Variants in SYT14 observed in about 807,000 individuals in gnomAD.
The protein encoded by SYT14 is synaptotagmin 14.
In SYT14, 32 loss-of-function variants were observed where a neutral mutation model predicts 74.2. The observed-to-expected ratio is 0.43, with a 90% CI of 0.33 to 0.58. The LOEUF is 0.58. Among genes scored for constraint, SYT14 ranks in the 20% least tolerant of loss-of-function variants. The pLI is 0.05. For synonymous variants in SYT14, 298 were observed against 337.7 expected (o/e 0.88, Z 1.29); for missense variants, 791 against 981.8 (o/e 0.81, Z 2.60).
exon 4 of SYT14, chr1:210,015,700 C>T (rs193204656): frequency 4.5e-6 from 1 of 222,568 alleles, no homozygotes; most frequent in East Asian, 1.2e-4. Context: ...AATAAAAAAC[C>T]AATAGTATTT....
chr1:210,149,310 G>A lies in SYT14; in HGVS notation c.2035-6411G>A, dbSNP rs559942249. On this transcript the variant is annotated intron_variant, in intron 7 of 9. Coordinates refer to ENST00000637265, the Ensembl canonical transcript of SYT14. ...AGCAATTTTCATGCCTCTGCCTCCC[G>A]AGTAGCTGGGATTACAGGCGCCTGC... is the stretch of plus-strand genomic sequence containing the variant. 6.0e-5 allele frequency among the ~76,000 whole-genome samples: 9 copies of A among 150,060 alleles called. No individual in the cohort carries two copies. The East Asian group carries it at 1.4e-3, about 23-fold the overall frequency.
intron 2 of SYT14, among the ~76,000 whole-genome samples, chr1:209,981,864 A>G (rs538635364): frequency 2.0e-5 from 3 of 152,194 alleles, no homozygotes; most frequent in East Asian, 1.9e-4. Context: ...CCATTTGTGC[A>G]TGATCTGACA....
intron 5 of SYT14, among the ~76,000 whole-genome samples, chr1:210,090,894 T>C (rs2081854098): frequency 6.6e-6 from 1 of 152,176 alleles, no homozygotes; most frequent in Non-Finnish European, 1.5e-5. Context: ...TTTAATGAAA[T>C]TTTTATTCCA....
intron 6 of SYT14, among the ~76,000 whole-genome samples, chr1:210,097,262 A>G (rs113031021): frequency 1.3e-4 from 20 of 152,230 alleles, no homozygotes; most frequent in African/African-American, 4.6e-4. Context: ...GGCTGTAGCT[A>G]TCTTAGAGCC....
At chr1:210,097,431 G>A (rs1419058496) in intron 6 of SYT14, among the ~76,000 whole-genome samples, 3 of 151,982 alleles carry the variant, frequency 2.0e-5, no homozygotes, top group African/African-American at 7.2e-5. Flanking sequence ...CTTATTGCCT[G>A]TTTTCAGAAT....
At chr1:210,057,434 TC>T (rs937177571) in intron 5 of SYT14, among the ~76,000 whole-genome samples, 1 of 152,190 alleles carries the variant, frequency 6.6e-6, no homozygotes, top group Non-Finnish European at 1.5e-5. Flanking sequence ...GCCAACACTC[TC>T]ACAGATTAAT....
At chr1:210,128,353 G>A (rs2102631097) in intron 7 of SYT14, among the ~76,000 whole-genome samples, 1 of 151,578 alleles carries the variant, frequency 6.6e-6, no homozygotes, top group Admixed American at 6.6e-5. Flanking sequence ...CTCTAGTCTG[G>A]GTGACAGAGC....
intron 5 of SYT14, among the ~76,000 whole-genome samples, chr1:210,079,672 G>GA (rs200658005): frequency 3.3e-5 from 5 of 150,692 alleles, no homozygotes; most frequent in South Asian, 2.1e-4. Flanking sequence ...TAGAACACTG[G>GA]AAAAAAAAAT....
chr1:210,097,578 G>A (rs1368278119), intron 6 of SYT14, among the ~76,000 whole-genome samples: 1 of 151,542 alleles, frequency 6.6e-6, no homozygotes, highest in Non-Finnish European at 1.5e-5. Context: ...AGCTATCTAG[G>A]ACCTGATAAA....
At chr1:209,970,034 T>C (rs927754678) in intron 2 of SYT14, among the ~76,000 whole-genome samples, 1 of 152,198 alleles carries the variant, frequency 6.6e-6, no homozygotes, top group African/African-American at 2.4e-5. Context: ...ATTGTGTTGA[T>C]TACTTCTTTT....
intron 7 of SYT14, among the ~76,000 whole-genome samples, chr1:210,111,669 T>C (rs574919419): frequency 6.6e-6 from 1 of 151,134 alleles, no homozygotes. Context: ...GAAACATTTG[T>C]TGTATAGAAT....
chr1:210,037,778 A>T (rs1447071855), intron 5 of SYT14, among the ~76,000 whole-genome samples: 1 of 151,968 alleles, frequency 6.6e-6, no homozygotes, highest in Non-Finnish European at 1.5e-5. Flanking sequence ...TTCTAATTTT[A>T]TTCCACTCTG....
chr1:210,009,747 G>T (rs139744770), intron 2 of SYT14, among the ~76,000 whole-genome samples: 70 of 152,140 alleles, frequency 4.6e-4, no homozygotes, highest in African/African-American at 1.5e-3. Context: ...TATTCTGTTG[G>T]CATTTCCAGT....
intron 5 of SYT14, among the ~76,000 whole-genome samples, chr1:210,063,041 G>A (rs1436244969): frequency 9.7e-5 from 14 of 143,674 alleles, no homozygotes; most frequent in East Asian, 2.0e-4. Flanking sequence ...TTTTAACATT[G>A]ATGGTGATTT....
At chr1:210,164,285 T>A (rs1483838450) in exon 10 of SYT14, 1 of 238,218 alleles carries the variant, frequency 4.2e-6, no homozygotes. Context: ...TGGACCACAA[T>A]TAAAAAAAAA....
chr1:210,107,554 G>A (rs1377515814), intron 7 of SYT14, among the ~76,000 whole-genome samples: 1 of 152,056 alleles, frequency 6.6e-6, no homozygotes, highest in East Asian at 1.9e-4. Context: ...TAGGGCAGAT[G>A]GGAAGAAATG....
intron 1 of SYT14, 34 bp downstream of exon 1, chr1:209,938,311 G>A (rs750110939): frequency 8.4e-6 from 13 of 1,543,370 alleles, no homozygotes; most frequent in Non-Finnish European, 1.1e-5. Context: ...AGCGAGGACC[G>A]GGACCACCCA....
chr1:210,128,890 A>G (rs953153284), intron 7 of SYT14, among the ~76,000 whole-genome samples: 2 of 152,194 alleles, frequency 1.3e-5, no homozygotes. Flanking sequence ...TGAAGTATAT[A>G]TTTTGGAATA....
intron 2 of SYT14, among the ~76,000 whole-genome samples, chr1:209,983,253 A>G (rs1009432616): frequency 6.6e-6 from 1 of 151,886 alleles, no homozygotes; most frequent in African/African-American, 2.4e-5. Context: ...CTTTGGTGTT[A>G]TATTTACAAA....
Sources: allele counts gnomAD v4.1 joint callset (sites outside exome capture counted in the v4.1 genomes callset), GRCh38; gene constraint gnomAD v4.1.1; transcripts MANE v1.5; gene names NCBI Gene and HGNC (gene_info 2026-07-23, HGNC 2026-07-21).